The following CDYL variants were observed in gnomAD, a reference collection of about 807,000 sequenced individuals.
CDYL encodes chromodomain Y-like protein.
CDYL carries 8 observed loss-of-function variants against 47.3 expected under a neutral mutation model. The ratio of observed to expected loss-of-function variants is 0.17; its 90% CI spans 0.10 to 0.31. CDYL has a LOEUF of 0.31. Among genes scored for constraint, CDYL ranks in the 10% least tolerant of loss-of-function variants. The pLI, the probability that CDYL is intolerant of heterozygous loss-of-function variation, is 1.00. For missense variants in CDYL, 471 were observed against 701.4 expected (o/e 0.67, Z 3.71); for synonymous variants, 266 against 265.0 (o/e 1.00, Z -0.04).
At chr6:4,879,339 G>C (rs1761700640) in intron 1 of CDYL, among the ~76,000 whole-genome samples, 1 of 152,086 alleles carries the variant, frequency 6.6e-6, no homozygotes, top group African/African-American at 2.4e-5. Flanking sequence ...CATATATTTT[G>C]AAGCTGTTGT....
At chr6:4,948,138 C>T (rs564929284) in intron 5 of CDYL, among the ~76,000 whole-genome samples, 1 of 152,178 alleles carries the variant, frequency 6.6e-6, no homozygotes, top group East Asian at 1.9e-4. Context: ...TCCTCATCCT[C>T]TGGAACATCC....
At chr6:4,950,037 C>T (rs536610345) in intron 5 of CDYL, among the ~76,000 whole-genome samples, 3 of 152,218 alleles carry the variant, frequency 2.0e-5, no homozygotes, top group South Asian at 2.1e-4. Context: ...GGAGGAAGAC[C>T]GGCCGCAATG....
At chr6:4,823,597 C>A (rs1315181979) in intron 1 of CDYL, among the ~76,000 whole-genome samples, 3 of 151,972 alleles carry the variant, frequency 2.0e-5, no homozygotes, top group Non-Finnish European at 2.9e-5. Flanking sequence ...AACTTTGTAA[C>A]CGTAAAATGT....
intron 2 of CDYL, among the ~76,000 whole-genome samples, chr6:4,917,375 A>G (rs1261190017): frequency 6.6e-6 from 1 of 152,192 alleles, no homozygotes; most frequent in Non-Finnish European, 1.5e-5. Flanking sequence ...CACAAGACTG[A>G]CTGTTTCTGT....
chr6:4,738,040 A>G (rs1411452390), intron 3 of CDYL, among the ~76,000 whole-genome samples: 4 of 152,242 alleles, frequency 2.6e-5, no homozygotes, highest in African/African-American at 9.6e-5. Context: ...AAAATACAAT[A>G]GAAAAAAATG....
rs1473122926 is a variant in CDYL at position 4,895,451 on chromosome 6, A to C, written c.691+3072A>C. ...TATACATGTATACGTATATATGCATATATACATGTATACATATATACGTAT... is the reference window on the plus strand; with the variant it reads ...TATACATGTATACGTATATATGCATCTATACATGTATACATATATACGTAT... On this transcript the variant is annotated intron_variant, in intron 2 of 6. Transcript: ENST00000397588. Among the ~76,000 whole-genome samples the C allele has an allele frequency of 1.0e-3, 91 of 88,140 alleles. 38 individuals carry two copies. Among genetic ancestry groups the C allele is most frequent in the African/African-American group, 3.9e-3 (85 of 21,548 alleles). 57.8% of individuals were successfully genotyped at this position (88,140 alleles called of 152,430 possible).
At chr6:4,801,450 T>A (rs1417157292) in intron 1 of CDYL, among the ~76,000 whole-genome samples, 9 of 152,250 alleles carry the variant, frequency 5.9e-5, no homozygotes, top group Non-Finnish European at 1.3e-4. Context: ...GTTGGACATA[T>A]GCTGTAGTGA....
At chr6:4,756,712 T>A (rs1758081190) in intron 3 of CDYL, among the ~76,000 whole-genome samples, 1 of 152,118 alleles carries the variant, frequency 6.6e-6, no homozygotes, top group Admixed American at 6.6e-5. Flanking sequence ...AGTTTACATG[T>A]AAATCATTCT....
chr6:4,800,057 G>A (rs116623244), intron 1 of CDYL, among the ~76,000 whole-genome samples: 3,110 of 152,020 alleles, frequency 0.02, 48 homozygotes, highest in Non-Finnish European at 0.032. Context: ...ATTTAAAATT[G>A]TTCTTTAGAA....
intron 1 of CDYL, among the ~76,000 whole-genome samples, chr6:4,871,490 A>G (rs1436966617): frequency 1.3e-5 from 2 of 152,180 alleles, no homozygotes; most frequent in Non-Finnish European, 2.9e-5. Flanking sequence ...GGGTTCAATA[A>G]ATATTGCTAT....
chr6:4,838,004 C>A (rs1222291754), intron 1 of CDYL, among the ~76,000 whole-genome samples: 1 of 151,742 alleles, frequency 6.6e-6, no homozygotes, highest in Non-Finnish European at 1.5e-5. Flanking sequence ...TCTCGAACTC[C>A]TGGGCTCAAG....
At chr6:4,724,923 T>G (rs371149155) in intron 2 of CDYL, 1 of 152,220 alleles carries the variant, frequency 6.6e-6, no homozygotes, top group Non-Finnish European at 1.5e-5. Context: ...TTCTCTTACC[T>G]GGCCCCACCC....
chr6:4,706,241 G>A (rs1244335442), exon 1 of CDYL: 1 of 152,186 alleles, frequency 6.6e-6, no homozygotes, highest in Non-Finnish European at 1.5e-5. Flanking sequence ...TCATCTCGGG[G>A]AACTAAGCAG....
intron 1 of CDYL, among the ~76,000 whole-genome samples, chr6:4,711,837 G>A (rs1184780900): frequency 6.6e-6 from 1 of 152,162 alleles, no homozygotes; most frequent in Non-Finnish European, 1.5e-5. Flanking sequence ...GGCTGGGGTG[G>A]GCAGATCACT....
At chr6:4,800,732 C>G (rs549367159) in intron 1 of CDYL, among the ~76,000 whole-genome samples, 1 of 152,264 alleles carries the variant, frequency 6.6e-6, no homozygotes, top group South Asian at 2.1e-4. Flanking sequence ...TTTCCTTCTT[C>G]AGTAATTTGA....
chr6:4,739,174 ATAAATAAT>A (rs952123812), intron 3 of CDYL, among the ~76,000 whole-genome samples: 2 of 151,114 alleles, frequency 1.3e-5, no homozygotes, highest in Non-Finnish European at 2.9e-5. Flanking sequence ...ACATAAATAA[ATAAATAAT>A]TAAATAATAA....
At chr6:4,812,121 C>T (rs1228816999) in intron 1 of CDYL, among the ~76,000 whole-genome samples, 1 of 152,192 alleles carries the variant, frequency 6.6e-6, no homozygotes, top group East Asian at 1.9e-4. Context: ...GTTTTGTATA[C>T]ATGTTTTCTA....
chr6:4,744,771 T>A (rs2127418005), intron 3 of CDYL, among the ~76,000 whole-genome samples: 1 of 152,286 alleles, frequency 6.6e-6, no homozygotes, highest in East Asian at 1.9e-4. Flanking sequence ...AGCCAAGACT[T>A]GAACTCAGGT....
At chr6:4,920,812 C>T (rs1266216357) in intron 2 of CDYL, among the ~76,000 whole-genome samples, 2 of 152,160 alleles carry the variant, frequency 1.3e-5, no homozygotes, top group Non-Finnish European at 2.9e-5. Context: ...GACGGGATTT[C>T]ATCATGTTGG....
Sources: allele counts gnomAD v4.1 joint callset (sites outside exome capture counted in the v4.1 genomes callset), GRCh38; gene constraint gnomAD v4.1.1; transcripts MANE v1.5; gene names NCBI Gene and HGNC (gene_info 2026-07-23, HGNC 2026-07-21).